Variants in TFAM observed in about 807,000 individuals in gnomAD.
TFAM encodes the protein transcription factor A, mitochondrial.
Under a neutral mutation model 30.6 loss-of-function variants are expected in TFAM, and 13 were observed. That is an observed-to-expected ratio of 0.42 (90% CI 0.28 to 0.67). The LOEUF (loss-of-function observed/expected upper bound fraction) is 0.67. TFAM is among the 30% of genes least tolerant of loss of function. TFAM has a pLI of 0.21. For missense variants in TFAM, 231 were observed against 293.7 expected, an observed-to-expected ratio of 0.79 and a Z score of 1.56; for synonymous variants, 106 against 94.8, an observed-to-expected ratio of 1.12 and a Z score of -0.69.
rs116295749 is a variant in TFAM at position 58,390,679 on chromosome 10, C to T, written c.442-86C>T. 1.4e-4 allele frequency: 130 copies of T among 943,598 alleles called. 2 individuals are homozygous for T. The highest frequency in any genetic ancestry group is 5.3e-4 in the African/African-American group (33 of 62,066). 58.5% of individuals were successfully genotyped at this position (943,598 alleles called of 1,614,324 possible). A position where few individuals can be genotyped will look rare whatever the true frequency, so the allele number is the denominator to read the frequency against. ...TCACTTTAAGGAATAATCTGTAATG[C>T]GTAGTAGTGAATAAAGTTTCTGTAG... On this transcript the variant is annotated intron_variant, in intron 4 of 6. Coordinates refer to ENST00000487519, the MANE Select transcript of TFAM (RefSeq NM_003201.3).
Position 58,385,488 on chromosome 10 carries a change from G to T in TFAM, c.-60G>T. 1 of 1,306,566 alleles carries T rather than the reference G, an allele frequency of 7.7e-7. No individual in the cohort carries two copies. Among genetic ancestry groups the T allele is most frequent in the Non-Finnish European group, 1.1e-6 (1 of 923,692 alleles). The allele number at this position is 1,306,566 out of a possible 1,614,324, so 80.9% of individuals were successfully genotyped here. A position where few individuals can be genotyped will look rare whatever the true frequency, so the allele number is the denominator to read the frequency against. ...GGTTCCAGTTGTGATTGCTGGAGTTGTGTATTGCCAGGAGGCTCTCCGAGA... is the reference window on the plus strand; with the variant it reads ...GGTTCCAGTTGTGATTGCTGGAGTTTTGTATTGCCAGGAGGCTCTCCGAGA... On this transcript the variant is annotated 5_prime_UTR_variant, in exon 1 of 7. Transcript: ENST00000487519.
chr10:58,395,388 G>A lies in TFAM; in HGVS notation c.*314G>A. ...TTTTTTATACAGGATGATGACTATG[G>A]AAAGAGTACTCTTGTTTCCTTATAT... On this transcript the variant is annotated 3_prime_UTR_variant, in exon 7 of 7. Coordinates refer to ENST00000487519, the MANE Select transcript of TFAM (RefSeq NM_003201.3). The A allele has an allele frequency of 5.8e-6, 2 of 346,644 alleles. No homozygotes were observed. The highest frequency in any genetic ancestry group is 5.3e-6 in the Non-Finnish European group (1 of 186,934). The allele number at this position is 346,644 out of a possible 1,614,324, so 21.5% of individuals were successfully genotyped here.
At chr10:58,390,450 A>T (rs2132355482) in intron 4 of TFAM, among the ~76,000 whole-genome samples, 1 of 152,244 alleles carries the variant, frequency 6.6e-6, no homozygotes, top group Admixed American at 6.5e-5. Context: ...ACAAGGATGA[A>T]CCTAAGGTTG....
intron 3 of TFAM, 128 bp from the exon 4 acceptor site, chr10:58,388,542 C>T: frequency 2.9e-6 from 3 of 1,024,182 alleles, no homozygotes; most frequent in East Asian, 4.7e-5. Context: ...CATCTCATCC[C>T]AGAGCACATT....
intron 6 of TFAM, 33 bp from the exon 7 acceptor site, chr10:58,394,895 G>A (rs767117360): frequency 3.2e-6 from 5 of 1,586,678 alleles, no homozygotes; most frequent in Non-Finnish European, 4.3e-6. Flanking sequence ...CAAAAAATAA[G>A]TAAATCATTT....
chr10:58,390,973 T>C, intron 5 of TFAM, 113 bp downstream of exon 5: 2 of 957,394 alleles, frequency 2.1e-6, no homozygotes, highest in African/African-American at 1.6e-5. Flanking sequence ...CAGTAAACTC[T>C]TTTGCTAAGG....
At position 58,395,503 on chromosome 10, in the gene TFAM, G is replaced by C. The variant is rs1209477873; in HGVS notation, c.*429G>C. On this transcript the variant is annotated 3_prime_UTR_variant, in exon 7 of 7. Coordinates refer to ENST00000487519, the MANE Select transcript of TFAM (RefSeq NM_003201.3). ...ATAAGTGTGTGTTTTTCATAAAGCAGGCAGAACTCATCTAGGTAAATTACA... is the reference window on the plus strand; with the variant it reads ...ATAAGTGTGTGTTTTTCATAAAGCACGCAGAACTCATCTAGGTAAATTACA... 3.9e-6 allele frequency: 1 copy of C among 257,278 alleles called. No individual in the cohort carries two copies. The highest frequency in any genetic ancestry group is 4.9e-5 in the Admixed American group (1 of 20,472). The allele number at this position is 257,278 out of a possible 1,614,324, so 15.9% of individuals were successfully genotyped here. A position where few individuals can be genotyped will look rare whatever the true frequency, so the allele number is the denominator to read the frequency against.
Position 58,389,704 on chromosome 10 carries a change from A to G in TFAM, c.441+885A>G, listed in dbSNP as rs986801501. On this transcript the variant is annotated intron_variant, in intron 4 of 6. Transcript: ENST00000487519. ...TGAAAAATAGAGTGTCTACATAAGG[A>G]TGGTGTTTGGAAGAGTGATTACTAA... Among the ~76,000 whole-genome samples, 24 of 152,286 alleles carry G rather than the reference A, an allele frequency of 1.6e-4. 1 individual carries two copies. The highest frequency in any genetic ancestry group is 5.3e-4 in the African/African-American group (22 of 41,564).
intron 5 of TFAM, among the ~76,000 whole-genome samples, chr10:58,394,102 G>A (rs1040910591): frequency 1.3e-5 from 2 of 152,156 alleles, no homozygotes; most frequent in Non-Finnish European, 2.9e-5. Flanking sequence ...AATAAAAACA[G>A]ACTTTGAAGT....
At chr10:58,388,383 CTT>C in intron 3 of TFAM, 123 bp downstream of exon 3, 1 of 865,768 alleles carries the variant, frequency 1.2e-6, no homozygotes, top group South Asian at 1.5e-5. Context: ...TACAAAGAAA[CTT>C]TATGTCTTCT....
At chr10:58,388,376 A>G in intron 3 of TFAM, 116 bp downstream of exon 3, 2 of 918,730 alleles carry the variant, frequency 2.2e-6, no homozygotes, top group Non-Finnish European at 1.8e-6. Context: ...TGTTATCTAC[A>G]AAGAAACTTT....
chr10:58,399,195 TAAAC>T lies in TFAM; in HGVS notation c.*4122_*4125del. On this transcript the variant is annotated 3_prime_UTR_variant, in exon 7 of 7. Transcript: ENST00000487519. ...GTTGACTCTAAACAGGAATTTTAAA[TAAAC>T]TAAACATTTTTTCATCACCAAGCAT... 1 of 152,330 alleles carries T rather than the reference TAAAC, an allele frequency of 6.6e-6. No homozygotes were observed. Among genetic ancestry groups the T allele is most frequent in the Non-Finnish European group, 1.5e-5 (1 of 68,008 alleles). 9.4% of individuals were successfully genotyped at this position (152,330 alleles called of 1,614,324 possible).
At position 58,385,596 on chromosome 10, in the gene TFAM, T is replaced by C. The variant is rs747416899; in HGVS notation, c.49T>C (p.Ser17Pro). The change falls in exon 1 of 7, where the codon TCT becomes CCT. Residue 17 changes from serine (S) to proline (P), a missense_variant. Ser to Pro is a moderately conservative substitution (Grantham distance 74). Transcript: ENST00000487519. ...GGGCGTGCTGAGTGCCCTGGGAAGG[T>C]CTGGAGCAGAGCTGTGCACCGGCTG... ...MWGVLSALGR[S>P]GAELCTGCGS... 14 of 1,570,232 alleles carry C rather than the reference T, an allele frequency of 8.9e-6. No individual in the cohort carries two copies. The Middle Eastern group carries it at 1.0e-3, about 112-fold the overall frequency.
intron 2 of TFAM, 99 bp from the exon 3 acceptor site, chr10:58,388,091 G>T: frequency 1.2e-6 from 1 of 862,636 alleles, no homozygotes. Context: ...ATTATATTAA[G>T]TTATGTGTGG....
In TFAM at chr10:58,395,132, A is replaced by G; in HGVS notation, c.*58A>G. 3.3e-6 allele frequency: 5 copies of G among 1,528,756 alleles called. No individual in the cohort carries two copies. Among genetic ancestry groups the G allele is most frequent in the Non-Finnish European group, 4.5e-6 (5 of 1,105,558 alleles). 94.7% of individuals were successfully genotyped at this position (1,528,756 alleles called of 1,614,324 possible). A position where few individuals can be genotyped will look rare whatever the true frequency, so the allele number is the denominator to read the frequency against. On this transcript the variant is annotated 3_prime_UTR_variant, in exon 7 of 7. Transcript: ENST00000487519. The stretch of plus-strand genomic sequence containing the variant: ...AGGCACAGGAAACCAGTTAGGTCTC[A>G]ATACCTGAAGCTATCGTAAAATTAA...
At position 58,396,785 on chromosome 10, in the gene TFAM, T is replaced by C. The variant is rs1442050175; in HGVS notation, c.*1711T>C. 6.6e-6 allele frequency: 1 copy of C among 152,218 alleles called. No individual in the cohort carries two copies. The highest frequency in any genetic ancestry group is 1.5e-5 in the Non-Finnish European group (1 of 68,040). 9.4% of individuals were successfully genotyped at this position (152,218 alleles called of 1,614,324 possible). A position where few individuals can be genotyped will look rare whatever the true frequency, so the allele number is the denominator to read the frequency against. ...TGAAGACTTTGATGTCACAAAAAGA[T>C]GACTTGTTATATGCTGAGCTTGACA... On this transcript the variant is annotated 3_prime_UTR_variant, in exon 7 of 7. Transcript: ENST00000487519.
intron 2 of TFAM, chr10:58,386,646 C>G: frequency 8.6e-7 from 1 of 1,165,698 alleles, no homozygotes; most frequent in Non-Finnish European, 1.1e-6. Context: ...TTTCTCTTGC[C>G]TAGCTCCTCC....
At position 58,396,208 on chromosome 10, in the gene TFAM, C is replaced by T. The variant is rs1250906254; in HGVS notation, c.*1134C>T. 1.3e-5 allele frequency: 2 copies of T among 152,028 alleles called. No homozygotes were observed. The highest frequency in any genetic ancestry group is 3.9e-4 in the East Asian group (2 of 5,186). 9.4% of individuals were successfully genotyped at this position (152,028 alleles called of 1,614,324 possible). Reference sequence around the variant, plus strand: ...GAGTAGCTGCCACAGAAACTATAGCCCACAAAGCCTGATATTTACTGTCTG... The same window carrying T: ...GAGTAGCTGCCACAGAAACTATAGCTCACAAAGCCTGATATTTACTGTCTG... On this transcript the variant is annotated 3_prime_UTR_variant, in exon 7 of 7. Transcript: ENST00000487519.
rs1840723689 is a variant in TFAM at position 58,398,174 on chromosome 10, T to G, written c.*3100T>G. ...CTCCCAGGCTTAAGAGATCCTCCCATCTCAGCCTCCTGAGTAGCTGGGATT... is the reference window on the plus strand; with the variant it reads ...CTCCCAGGCTTAAGAGATCCTCCCAGCTCAGCCTCCTGAGTAGCTGGGATT... On this transcript the variant is annotated 3_prime_UTR_variant, in exon 7 of 7. Transcript: ENST00000487519. 2 of 152,326 alleles carry G rather than the reference T, an allele frequency of 1.3e-5. No individual in the cohort carries two copies. The highest frequency in any genetic ancestry group is 4.8e-5 in the African/African-American group (2 of 41,444). The allele number at this position is 152,326 out of a possible 1,614,324, so 9.4% of individuals were successfully genotyped here. A position where few individuals can be genotyped will look rare whatever the true frequency, so the allele number is the denominator to read the frequency against.
Sources: gnomAD v4.1 joint callset for allele counts (sites outside exome capture counted in the v4.1 genomes callset) on GRCh38, gnomAD v4.1.1 for gene constraint, MANE v1.5 for transcripts, NCBI Gene and HGNC (gene_info 2026-07-23, HGNC 2026-07-21) for gene names.